The following LUZP1 variants were observed in gnomAD, a reference collection of about 807,000 sequenced individuals.
LUZP1 encodes the protein leucine zipper protein 1, also known as filamin mechanobinding actin cross-linking protein.
In LUZP1, 25 loss-of-function variants were observed where a neutral mutation model predicts 71.3. The ratio of observed to expected loss-of-function variants is 0.35; its 90% confidence interval spans 0.26 to 0.49. LUZP1 has a LOEUF of 0.49. Ranked by LOEUF, LUZP1 falls within the 20% of genes least tolerant of loss-of-function variation. The probability of loss-of-function intolerance (pLI) is 0.99; values close to 1 mark genes in which losing one functional copy is unlikely to be tolerated. For synonymous variants in LUZP1, 481 were observed against 506.4 expected (o/e 0.95, Z 0.67); for missense variants, 1,142 against 1,300.8 (o/e 0.88, Z 1.88).
At chr1:23,106,659 G>C (rs1643984840) in intron 3 of LUZP1, among the ~76,000 whole-genome samples, 1 of 152,066 alleles carries the variant, frequency 6.6e-6, no homozygotes, top group Non-Finnish European at 1.5e-5. Context: ...TCTATGGGGA[G>C]AATTAGAATT....
At chr1:23,130,064 C>T (rs80234171) in intron 2 of LUZP1, among the ~76,000 whole-genome samples, 2,541 of 152,298 alleles carry the variant, frequency 0.017, 32 homozygotes, top group Non-Finnish European at 0.022. Context: ...TTTTTTCCTT[C>T]TATGGACAGA....
intron 2 of LUZP1, among the ~76,000 whole-genome samples, chr1:23,141,404 T>C (rs760911861): frequency 1.3e-5 from 2 of 152,168 alleles, no homozygotes; most frequent in Non-Finnish European, 2.9e-5. Flanking sequence ...GACAGGTGTG[T>C]CCTTGCCCTC....
Position 23,094,142 on chromosome 1 carries a change from T to G in LUZP1, c.120A>C (p.Ala40=). 1 of 1,614,214 alleles carries G rather than the reference T, an allele frequency of 6.2e-7. No homozygotes were observed. The highest frequency in any genetic ancestry group is 8.5e-7 in the Non-Finnish European group (1 of 1,180,034). The change falls in exon 4 of 5, where the codon GCA becomes GCC. Residue 40 remains alanine, a synonymous_variant. Transcript: ENST00000302291. This position sits in a 1 kb window ranked among gnomAD's most constrained non-coding sequence, Gnocchi z 4.7. ...CCTGGAGATCCAGGAGTTCATCCTCTGCTTTCTGGAGGTTTTTTGTGGCTT... is the reference window on the plus strand; with the variant it reads ...CCTGGAGATCCAGGAGTTCATCCTCGGCTTTCTGGAGGTTTTTTGTGGCTT...
intron 2 of LUZP1, among the ~76,000 whole-genome samples, chr1:23,150,283 A>T (rs912719204): frequency 6.6e-6 from 1 of 152,166 alleles, no homozygotes; most frequent in African/African-American, 2.4e-5. Flanking sequence ...AACAGATGGT[A>T]AGGACTTTTT....
At chr1:23,149,779 TGG>T (rs1292211048) in intron 2 of LUZP1, among the ~76,000 whole-genome samples, 53 of 151,870 alleles carry the variant, frequency 3.5e-4, no homozygotes, top group Non-Finnish European at 6.9e-4. Flanking sequence ...CTGACCAACA[TGG>T]TGAAACCCCG....
chr1:23,119,397 A>C (rs1438896629), intron 2 of LUZP1, among the ~76,000 whole-genome samples: 2 of 151,690 alleles, frequency 1.3e-5, no homozygotes, highest in Non-Finnish European at 2.9e-5. Flanking sequence ...TAGCTAGGAC[A>C]TAACTGAAAG....
chr1:23,106,814 C>T (rs1488858109), intron 3 of LUZP1, among the ~76,000 whole-genome samples: 1 of 152,154 alleles, frequency 6.6e-6, no homozygotes, highest in Admixed American at 6.5e-5. Flanking sequence ...CATCAGTGTC[C>T]ATCCTTCCCC....
Position 23,094,984 on chromosome 1 carries a change from A to G in LUZP1, c.-119-604T>C, listed in dbSNP as rs1188563759. Among the ~76,000 whole-genome samples the G allele has an allele frequency of 6.6e-6, 1 of 152,178 alleles. No individual in the cohort carries two copies. The highest frequency in any genetic ancestry group is 2.4e-5 in the African/African-American group (1 of 41,432). The stretch of plus-strand genomic sequence containing the variant: ...TTTCAACATCTCTTCTCCCAAAAGT[A>G]TATTTGTAAGTGGAATTCAGGTGTG... On this transcript the variant is annotated intron_variant, in intron 3 of 4. Coordinates refer to ENST00000302291, the Ensembl canonical transcript of LUZP1. This position sits in a 1 kb window ranked among gnomAD's most constrained non-coding sequence, Gnocchi z 4.7.
At chr1:23,154,709 A>ATTTTTTTTT (rs1191570803) in intron 2 of LUZP1, among the ~76,000 whole-genome samples, 4 of 125,628 alleles carry the variant, frequency 3.2e-5, no homozygotes, top group Non-Finnish European at 6.5e-5. Flanking sequence ...CACCTGGCTA[A>ATTTTTTTTT]TTTTTTTTTT....
intron 2 of LUZP1, among the ~76,000 whole-genome samples, chr1:23,149,134 G>A (rs1464883903): frequency 8.5e-6 from 1 of 117,908 alleles, no homozygotes; most frequent in Non-Finnish European, 1.8e-5. Context: ...AATTAAGAAA[G>A]TCCACTCTGA....
At position 23,093,845 on chromosome 1, in the gene LUZP1, C is replaced by G. The variant is rs375889545; in HGVS notation, c.417G>C (p.Leu139=). 1.2e-6 allele frequency: 2 copies of G among 1,614,108 alleles called. No homozygotes were observed. The highest frequency in any genetic ancestry group is 2.7e-5 in the African/African-American group (2 of 75,048). ...TCAGATTTCTCTCCTCATTCAGGCT[C>G]AGACACAGCTGGGTACAGTCATTCT... Residue 139 remains leucine, a synonymous_variant, in exon 4 of 5, where the codon CTG becomes CTC. Transcript: ENST00000302291. This position sits in a 1 kb window ranked among gnomAD's most constrained non-coding sequence, Gnocchi z 4.2.
At chr1:23,137,993 T>TG (rs1283788028) in intron 2 of LUZP1, among the ~76,000 whole-genome samples, 1 of 152,216 alleles carries the variant, frequency 6.6e-6, no homozygotes, top group Non-Finnish European at 1.5e-5. Context: ...TATCTTGAGA[T>TG]GGAGTCTTGC....
intron 2 of LUZP1, among the ~76,000 whole-genome samples, chr1:23,115,610 G>C (rs904259083): frequency 6.6e-6 from 1 of 152,022 alleles, no homozygotes; most frequent in Non-Finnish European, 1.5e-5. Flanking sequence ...GCACGATCTC[G>C]GCTCACTGCA....
intron 3 of LUZP1, among the ~76,000 whole-genome samples, chr1:23,103,552 G>A (rs2124623832): frequency 6.6e-6 from 1 of 151,916 alleles, no homozygotes; most frequent in East Asian, 1.9e-4. Flanking sequence ...CTAATGACAA[G>A]AATGACAGTC....
Position 23,093,660 on chromosome 1 carries a change from T to A in LUZP1, c.602A>T (p.Asn201Ile), listed in dbSNP as rs763802404. The change falls in exon 4 of 5, where the codon AAT becomes ATT. Residue 201 changes from asparagine (N) to isoleucine (I), a missense_variant. By Grantham distance (149) the Asn-to-Ile change is moderately radical (BLOSUM62 -3). Coordinates refer to ENST00000302291, the Ensembl canonical transcript of LUZP1. This position sits in a 1 kb window ranked among gnomAD's most constrained non-coding sequence, Gnocchi z 4.2. The stretch of plus-strand genomic sequence containing the variant: ...TTTCTCATTTTCTTTCTCCTTTTCA[T>A]TCAAGTATTTTCTCTCACTTACAAA... 7 of 1,611,136 alleles carry A rather than the reference T, an allele frequency of 4.3e-6. No homozygotes were observed.
chr1:23,173,028 G>A (rs148113724), intron 1 of LUZP1, among the ~76,000 whole-genome samples: 26,374 of 151,108 alleles, frequency 0.17, 2,422 homozygotes, highest in Middle Eastern at 0.3. Flanking sequence ...TCACCATGTT[G>A]GTCAGGCTGG....
chr1:23,155,390 A>G (rs936294924), intron 2 of LUZP1, among the ~76,000 whole-genome samples: 2 of 152,228 alleles, frequency 1.3e-5, no homozygotes, highest in Non-Finnish European at 2.9e-5. Context: ...AAACAATGTA[A>G]TGTTCAAGAG....
chr1:23,130,880 C>A (rs1314220434), intron 2 of LUZP1, among the ~76,000 whole-genome samples: 4 of 152,000 alleles, frequency 2.6e-5, no homozygotes, highest in African/African-American at 9.7e-5. Context: ...ATACATTGGC[C>A]TCCTGGGTCC....
chr1:23,110,182 A>G (rs1193153187), intron 2 of LUZP1, among the ~76,000 whole-genome samples: 1 of 152,192 alleles, frequency 6.6e-6, no homozygotes, highest in African/African-American at 2.4e-5. Context: ...GTTGCCCTCT[A>G]GACTCGGTCC....
Sources: allele counts gnomAD v4.1 joint callset (sites outside exome capture counted in the v4.1 genomes callset), GRCh38; gene constraint gnomAD v4.1.1; non-coding constraint Gnocchi (gnomAD v3.1); transcripts MANE v1.5; gene names NCBI Gene and HGNC (gene_info 2026-07-23, HGNC 2026-07-21).